CDS2: variants seen among roughly 807,000 people sequenced by gnomAD.
The protein encoded by CDS2 is phosphatidate cytidylyltransferase 2.
A neutral mutation model predicts 59.0 loss-of-function variants in CDS2; 47 were observed. That is an observed-to-expected ratio of 0.80 (90% CI 0.63 to 1.02). The LOEUF (loss-of-function observed/expected upper bound fraction) is 1.02, where lower values mean the gene tolerates loss of function less well. Ranked by LOEUF, CDS2 falls within the 50% of genes least tolerant of loss-of-function variation. The probability of loss-of-function intolerance (pLI) is 0.00; values close to 1 mark genes in which losing one functional copy is unlikely to be tolerated. For synonymous variants in CDS2, 207 were observed against 206.4 expected (o/e 1.00, Z -0.02); for missense variants, 356 against 558.9 (o/e 0.64, Z 3.66).
intron 12 of CDS2, 104 bp downstream of exon 12, chr20:5,189,942 T>C (rs967326164): frequency 1.5e-6 from 2 of 1,331,376 alleles, no homozygotes; most frequent in Non-Finnish European, 2.1e-6. Flanking sequence ...TCCCAAATAA[T>C]GCAGTTTTCA....
At chr20:5,151,750 CTTTTTTTTTTTTTT>C (rs57378947) in intron 1 of CDS2, among the ~76,000 whole-genome samples, 12,281 of 53,490 alleles carry the variant, frequency 0.23, 1,297 homozygotes, top group East Asian at 0.62. Flanking sequence ...GACTCCATGT[CTTTTTTTTTTTTTT>C]TTTTTTTTTT....
intron 1 of CDS2, among the ~76,000 whole-genome samples, chr20:5,140,573 T>C (rs1488277851): frequency 1.3e-5 from 2 of 152,254 alleles, no homozygotes; most frequent in Non-Finnish European, 2.9e-5. Context: ...CTGAGAATAC[T>C]ATCAACCTTA....
At chr20:5,186,583 AG>A in intron 9 of CDS2, 103 bp from the exon 10 acceptor site, 2 of 1,068,788 alleles carry the variant, frequency 1.9e-6, no homozygotes, top group Non-Finnish European at 2.8e-6. Flanking sequence ...CGCAGTTAGC[AG>A]GGTACTAGGC....
chr20:5,174,632 A>G (rs11700251), intron 2 of CDS2, among the ~76,000 whole-genome samples: 17,709 of 151,856 alleles, frequency 0.12, 1,171 homozygotes, highest in Middle Eastern at 0.18. Flanking sequence ...GGCTGAGGCA[A>G]GAGAATGGCA....
chr20:5,174,741 G>A (rs562233954), intron 2 of CDS2, among the ~76,000 whole-genome samples: 9 of 151,746 alleles, frequency 5.9e-5, no homozygotes, highest in Admixed American at 2.6e-4. Flanking sequence ...AAAAAATTAT[G>A]CATATTTATG....
intron 5 of CDS2, 34 bp from the exon 6 acceptor site, chr20:5,182,353 T>C (rs375101931): frequency 3.2e-6 from 5 of 1,583,376 alleles, no homozygotes; most frequent in Non-Finnish European, 3.4e-6. Context: ...CAGAACATAA[T>C]TCATTTTTCT....
At chr20:5,164,865 CT>C (rs1263305016) in intron 1 of CDS2, among the ~76,000 whole-genome samples, 1 of 152,194 alleles carries the variant, frequency 6.6e-6, no homozygotes, top group Admixed American at 6.5e-5. Flanking sequence ...TTTCTTGTCT[CT>C]GATAGTCTCT....
chr20:5,186,349 T>C (rs1267631766), intron 9 of CDS2, among the ~76,000 whole-genome samples: 1 of 152,158 alleles, frequency 6.6e-6, no homozygotes, highest in Non-Finnish European at 1.5e-5. Flanking sequence ...CTCTCTCCAG[T>C]TATCACTGAC....
intron 1 of CDS2, among the ~76,000 whole-genome samples, chr20:5,151,012 G>T (rs188163333): frequency 6.6e-6 from 1 of 152,334 alleles, no homozygotes; most frequent in Admixed American, 6.5e-5. Context: ...TTCCTAGCAC[G>T]TATGGTTGTC....
At chr20:5,155,920 A>AGAGAGCAGCAGTTTTGCTTGGC (rs1188821864) in intron 1 of CDS2, among the ~76,000 whole-genome samples, 13 of 152,184 alleles carry the variant, frequency 8.5e-5, no homozygotes, top group African/African-American at 3.1e-4. Context: ...AATCAGGAAC[A>AGAGAGCAGCAGTTTTGCTTGGC]GAGAGCAGCA....
At chr20:5,189,617 C>T in intron 11 of CDS2, 118 bp from the exon 12 acceptor site, 1 of 704,560 alleles carries the variant, frequency 1.4e-6, no homozygotes, top group Non-Finnish European at 2.5e-6. Flanking sequence ...TCATACTTCT[C>T]ACCTTCTATT....
chr20:5,181,061 T>A (rs2091030425), intron 5 of CDS2, among the ~76,000 whole-genome samples: 1 of 152,142 alleles, frequency 6.6e-6, no homozygotes, highest in Non-Finnish European at 1.5e-5. Flanking sequence ...CTATTCCATA[T>A]CAGTAAAGCA....
intron 1 of CDS2, among the ~76,000 whole-genome samples, chr20:5,133,339 ACTC>A (rs1236551467): frequency 8.0e-5 from 12 of 149,958 alleles, no homozygotes; most frequent in Admixed American, 2.0e-4. Context: ...ACAGCTTTAA[ACTC>A]CTGAGCTCAA....
rs1404239295 is a variant in CDS2 at position 5,182,411 on chromosome 20, T to C, written c.554T>C (p.Leu185Pro). 1 of 1,611,874 alleles carries C rather than the reference T, an allele frequency of 6.2e-7. No homozygotes were observed. Among genetic ancestry groups the C allele is most frequent in the Non-Finnish European group, 8.5e-7 (1 of 1,178,974 alleles). Reference protein sequence around the residue: ...LIGFCMFVLSLVKKHYRLQFY... With the variant: ...LIGFCMFVLSPVKKHYRLQFY... ...GGATTCTGCATGTTTGTACTGAGTC[T>C]GGTCAAGAAGCATTATCGACTGCAG... is the stretch of plus-strand genomic sequence containing the variant. The change falls in exon 6 of 13, where the codon CTG becomes CCG. Residue 185 changes from leucine to proline, a missense_variant. By Grantham distance (98) the Leu-to-Pro change is moderately conservative. Coordinates refer to ENST00000460006, the MANE Select transcript of CDS2 (RefSeq NM_003818.4).
At chr20:5,185,526 A>G (rs1411221868) in intron 8 of CDS2, among the ~76,000 whole-genome samples, 1 of 152,228 alleles carries the variant, frequency 6.6e-6, no homozygotes, top group Non-Finnish European at 1.5e-5. Flanking sequence ...CTTAATTAGT[A>G]TATCGTTTTC....
intron 1 of CDS2, among the ~76,000 whole-genome samples, chr20:5,165,025 A>T (rs1251152539): frequency 1.3e-5 from 2 of 152,178 alleles, no homozygotes; most frequent in Non-Finnish European, 2.9e-5. Flanking sequence ...GTTGGGAGAA[A>T]GGATTCCTGG....
At chr20:5,137,521 A>G (rs1366278780) in intron 1 of CDS2, among the ~76,000 whole-genome samples, 2 of 151,876 alleles carry the variant, frequency 1.3e-5, no homozygotes, top group Non-Finnish European at 2.9e-5. Context: ...GAGATTACAG[A>G]CATGAGCCAC....
intron 4 of CDS2, 50 bp downstream of exon 4, chr20:5,176,795 T>C (rs2090998317): frequency 7.7e-7 from 1 of 1,294,882 alleles, no homozygotes; most frequent in South Asian, 1.2e-5. Context: ...TGATGTGCTT[T>C]GTGGCAGGTA....
At chr20:5,151,653 G>T (rs2122994161) in intron 1 of CDS2, among the ~76,000 whole-genome samples, 1 of 151,008 alleles carries the variant, frequency 6.6e-6, no homozygotes, top group Non-Finnish European at 1.5e-5. Flanking sequence ...TGCTCAGGTT[G>T]GTCTCGAACT....
Sources: gnomAD v4.1 joint callset for allele counts (sites outside exome capture counted in the v4.1 genomes callset) on GRCh38, gnomAD v4.1.1 for gene constraint, MANE v1.5 for transcripts, NCBI Gene and HGNC (gene_info 2026-07-23, HGNC 2026-07-21) for gene names.